Variants in RHOJ observed in about 807,000 individuals in gnomAD.
RHOJ encodes rho-related GTP-binding protein RhoJ.
RHOJ carries 11 observed loss-of-function variants against 23.4 expected under a neutral mutation model. The ratio of observed to expected loss-of-function variants is 0.47; its 90% CI spans 0.30 to 0.78. The LOEUF (loss-of-function observed/expected upper bound fraction) is 0.78, where lower values mean the gene tolerates loss of function less well. Among genes scored for constraint, RHOJ ranks in the 30% least tolerant of loss-of-function variants. The pLI is 0.08. For missense variants in RHOJ, 254 were observed against 273.4 expected (o/e 0.93, Z 0.50); for synonymous variants, 102 against 102.7 (o/e 0.99, Z 0.04).
intron 1 of RHOJ, among the ~76,000 whole-genome samples, chr14:63,266,938 C>G (rs1461689620): frequency 2.0e-5 from 3 of 152,088 alleles, no homozygotes; most frequent in African/African-American, 7.2e-5. Flanking sequence ...GACATATGCA[C>G]AGCCAGCAGT....
At chr14:63,225,000 C>T (rs1466360194) in intron 1 of RHOJ, among the ~76,000 whole-genome samples, 4 of 150,096 alleles carry the variant, frequency 2.7e-5, no homozygotes, top group South Asian at 2.1e-4. Context: ...TGGCCCAGGC[C>T]GGAGTGCAGT....
chr14:63,288,309 G>A lies in RHOJ; in HGVS notation c.499-2569G>A. ...TGGGGAGTGCCCTGCCCCTCCTGCA[G>A]GACTCCAGGTGTGAGTGAGCTCAGC... is the stretch of plus-strand genomic sequence containing the variant. On this transcript the variant is annotated intron_variant, in intron 4 of 4. Coordinates refer to ENST00000316754, the MANE Select transcript of RHOJ (RefSeq NM_020663.5). 4 of 985,438 alleles carry A rather than the reference G, an allele frequency of 4.1e-6. No individual in the cohort carries two copies. The South Asian group carries it at 1.4e-4, about 35-fold the overall frequency. 61.0% of individuals were successfully genotyped at this position (985,438 alleles called of 1,614,324 possible).
intron 1 of RHOJ, among the ~76,000 whole-genome samples, chr14:63,247,610 C>T (rs1282562543): frequency 3.3e-5 from 5 of 152,272 alleles, no homozygotes; most frequent in Admixed American, 2.0e-4. Flanking sequence ...TAAATTGTCT[C>T]CTTCTCATAT....
At chr14:63,285,186 C>T (rs1331136178) in intron 4 of RHOJ, among the ~76,000 whole-genome samples, 1 of 152,148 alleles carries the variant, frequency 6.6e-6, no homozygotes, top group Non-Finnish European at 1.5e-5. Context: ...TTAATTAATC[C>T]TCACAGCAAC....
In RHOJ at chr14:63,269,107, T is replaced by C; in HGVS notation, c.179-3T>C. The C allele has an allele frequency of 6.2e-7, 1 of 1,608,348 alleles. No homozygotes were observed. The highest frequency in any genetic ancestry group is 8.5e-7 in the Non-Finnish European group (1 of 1,174,906). On this transcript the variant is annotated splice_region_variant and splice_polypyrimidine_tract_variant and intron_variant, in intron 1 of 4. Coordinates refer to ENST00000316754, the MANE Select transcript of RHOJ (RefSeq NM_020663.5). Reference sequence around the variant, plus strand: ...TCTTCTTTTCTTTTCTCTTCTCCCCTAGTTACTGTGACTGTGGGAGGCAAG... The same window carrying C: ...TCTTCTTTTCTTTTCTCTTCTCCCCCAGTTACTGTGACTGTGGGAGGCAAG...
chr14:63,216,867 A>G (rs1894367921), intron 1 of RHOJ, among the ~76,000 whole-genome samples: 1 of 152,110 alleles, frequency 6.6e-6, no homozygotes, highest in Admixed American at 6.5e-5. Flanking sequence ...TTTCTTTTGG[A>G]TAAACTAAAT....
At chr14:63,275,812 A>G (rs1881700004) in intron 2 of RHOJ, among the ~76,000 whole-genome samples, 2 of 152,142 alleles carry the variant, frequency 1.3e-5, no homozygotes, top group South Asian at 4.1e-4. Context: ...GCTTGACATC[A>G]TCTCCACCTG....
chr14:63,284,251 A>G (rs1157565882), intron 4 of RHOJ: 1 of 985,192 alleles, frequency 1.0e-6, no homozygotes, highest in Non-Finnish European at 1.2e-6. Flanking sequence ...AATGAATTAA[A>G]TACAATCATG....
At chr14:63,215,348 C>T (rs540374099) in intron 1 of RHOJ, among the ~76,000 whole-genome samples, 15 of 152,316 alleles carry the variant, frequency 9.8e-5, no homozygotes, top group African/African-American at 3.6e-4. Context: ...TTCCTTTAGT[C>T]TCTCCAGCTG....
At chr14:63,245,423 GA>G (rs1258902060) in intron 1 of RHOJ, among the ~76,000 whole-genome samples, 1 of 152,118 alleles carries the variant, frequency 6.6e-6, no homozygotes, top group African/African-American at 2.4e-5. Flanking sequence ...GGAGGCAGGA[GA>G]ATGACTTGAG....
At chr14:63,219,132 G>A (rs147406221) in intron 1 of RHOJ, among the ~76,000 whole-genome samples, 10 of 152,316 alleles carry the variant, frequency 6.6e-5, no homozygotes, top group African/African-American at 2.4e-4. Context: ...AAATGAGGAA[G>A]AGAATTATAT....
chr14:63,246,680 G>C (rs1045573233), intron 1 of RHOJ, among the ~76,000 whole-genome samples: 1 of 152,012 alleles, frequency 6.6e-6, no homozygotes, highest in African/African-American at 2.4e-5. Flanking sequence ...TTGACCACTA[G>C]GATTGAAAAT....
At chr14:63,206,043 G>C (rs1181959063) in intron 1 of RHOJ, among the ~76,000 whole-genome samples, 2 of 152,162 alleles carry the variant, frequency 1.3e-5, no homozygotes, top group African/African-American at 4.8e-5. Flanking sequence ...TTTGGGTCAG[G>C]TTCAACAAAG....
chr14:63,269,368 T>A (rs908244241), intron 2 of RHOJ, 200 bp downstream of exon 2: 22 of 467,724 alleles, frequency 4.7e-5, no homozygotes, highest in Admixed American at 2.3e-4. Flanking sequence ...GTTACATCAT[T>A]CAAGGCATTG....
At chr14:63,246,731 A>C (rs1374782726) in intron 1 of RHOJ, among the ~76,000 whole-genome samples, 5 of 152,208 alleles carry the variant, frequency 3.3e-5, no homozygotes, top group African/African-American at 1.2e-4. Flanking sequence ...TATGTAGAGT[A>C]AGAAAACCTT....
intron 1 of RHOJ, among the ~76,000 whole-genome samples, chr14:63,259,787 T>G (rs1466983064): frequency 6.6e-6 from 1 of 152,214 alleles, no homozygotes; most frequent in Non-Finnish European, 1.5e-5. Context: ...GGTTACGTTA[T>G]TTTTATTTGA....
At chr14:63,276,057 G>C (rs185803512) in intron 2 of RHOJ, among the ~76,000 whole-genome samples, 1 of 152,164 alleles carries the variant, frequency 6.6e-6, no homozygotes, top group Non-Finnish European at 1.5e-5. Flanking sequence ...TACTCCATCT[G>C]TCTAGACCTT....
intron 3 of RHOJ, 24 bp downstream of exon 3, chr14:63,281,159 GTGGAGCGGGCTGC>G: frequency 6.3e-7 from 1 of 1,582,516 alleles, no homozygotes; most frequent in Admixed American, 1.8e-5. Flanking sequence ...CGATGGCAGG[GTGGAGCGGGCTGC>G]AAAAATGGGA....
chr14:63,281,747 G>C (rs750143240), intron 3 of RHOJ, among the ~76,000 whole-genome samples: 2 of 152,148 alleles, frequency 1.3e-5, no homozygotes, highest in Non-Finnish European at 2.9e-5. Context: ...TCCATAGTTT[G>C]AGTTTCCAGT....
Sources: gnomAD v4.1 joint callset for allele counts (sites outside exome capture counted in the v4.1 genomes callset) on GRCh38, gnomAD v4.1.1 for gene constraint, MANE v1.5 for transcripts, NCBI Gene and HGNC (gene_info 2026-07-23, HGNC 2026-07-21) for gene names.